Variants in RBPJ observed in about 807,000 individuals in gnomAD.
The protein encoded by RBPJ is recombining binding protein suppressor of hairless.
In RBPJ, 9 loss-of-function variants were observed where a neutral mutation model predicts 67.8. That is an observed-to-expected ratio of 0.13 (90% confidence interval 0.08 to 0.23). The LOEUF is 0.23. Ranked by LOEUF, RBPJ falls within the 10% of genes least tolerant of loss-of-function variation. RBPJ has a pLI of 1.00. For missense variants in RBPJ, 305 were observed against 595.6 expected (o/e 0.51, Z 5.08); for synonymous variants, 198 against 203.3 (o/e 0.97, Z 0.22).
At chr4:26,310,306 G>C (rs1722385984) in intron 1 of RBPJ, among the ~76,000 whole-genome samples, 1 of 152,132 alleles carries the variant, frequency 6.6e-6, no homozygotes, top group African/African-American at 2.4e-5. Context: ...TAACCTTGAT[G>C]AACACGTGGT....
At chr4:26,318,112 CACAA>C (rs1351700945), upstream of RBPJ, among the ~76,000 whole-genome samples, 5 of 151,508 alleles carry the variant, frequency 3.3e-5, no homozygotes, top group Admixed American at 1.3e-4. Flanking sequence ...AATAGGCAAA[CACAA>C]ACACACACAC....
chr4:26,411,015 C>A (rs1214109535), intron 3 of RBPJ, among the ~76,000 whole-genome samples: 1 of 152,160 alleles, frequency 6.6e-6, no homozygotes, highest in African/African-American at 2.4e-5. Flanking sequence ...GTAAGCTAAC[C>A]ACTTTTCAGA....
At chr4:26,202,453 G>C (rs1166224598) in intron 1 of RBPJ, among the ~76,000 whole-genome samples, 1 of 151,364 alleles carries the variant, frequency 6.6e-6, no homozygotes, top group Non-Finnish European at 1.5e-5. Flanking sequence ...CTTCCCCCCA[G>C]CCCAGCTTCA....
chr4:26,362,781 T>A (rs1381149804), intron 1 of RBPJ, among the ~76,000 whole-genome samples: 1 of 152,216 alleles, frequency 6.6e-6, no homozygotes, highest in Non-Finnish European at 1.5e-5. Flanking sequence ...GGTTATGGAT[T>A]TATGGTAGTA....
At chr4:26,171,998 C>T (rs1472040438) in intron 1 of RBPJ, among the ~76,000 whole-genome samples, 2 of 152,228 alleles carry the variant, frequency 1.3e-5, no homozygotes, top group African/African-American at 4.8e-5. Context: ...CCAAGGCTGC[C>T]TGCTAAGCTG....
At chr4:26,392,478 A>G (rs1267038985) in intron 2 of RBPJ, among the ~76,000 whole-genome samples, 1 of 152,250 alleles carries the variant, frequency 6.6e-6, no homozygotes, top group Non-Finnish European at 1.5e-5. Flanking sequence ...TCTATTAAGC[A>G]GTAAAAAAGG....
intron 1 of RBPJ, among the ~76,000 whole-genome samples, chr4:26,344,930 AAAATACAGGTTG>A (rs1251010541): frequency 2.6e-5 from 4 of 152,226 alleles, no homozygotes; most frequent in Non-Finnish European, 5.9e-5. Flanking sequence ...AGATTTTAAA[AAAATACAGGTTG>A]AATGTGCTGC....
chr4:26,228,114 G>T (rs188572880), intron 1 of RBPJ, among the ~76,000 whole-genome samples: 2 of 152,358 alleles, frequency 1.3e-5, no homozygotes, highest in East Asian at 3.9e-4. Context: ...TCTTCTGGAA[G>T]GGAGGTCTGG....
chr4:26,296,193 A>T lies in RBPJ; in HGVS notation c.-166-66253A>T, dbSNP rs190164470. The stretch of plus-strand genomic sequence containing the variant: ...CTTCCTGATGTAATTTCTTCTGTAG[A>T]ACAGAAAAGTTCCTAATATTTGGCA... On this transcript the variant is annotated intron_variant, in intron 1 of 4. Transcript: ENST00000512351. Among the ~76,000 whole-genome samples, 6 of 152,314 alleles carry T rather than the reference A, an allele frequency of 3.9e-5. No individual in the cohort carries two copies. In the East Asian group the frequency reaches 1.2e-3, roughly 29 times the overall value.
chr4:26,400,382 G>T (rs145273588), intron 2 of RBPJ, among the ~76,000 whole-genome samples: 1 of 152,222 alleles, frequency 6.6e-6, no homozygotes, highest in Non-Finnish European at 1.5e-5. Context: ...AATGCACAGC[G>T]CAATCTCTCC....
intron 2 of RBPJ, among the ~76,000 whole-genome samples, chr4:26,403,134 C>T (rs902281864): frequency 3.3e-5 from 5 of 151,910 alleles, no homozygotes; most frequent in South Asian, 2.1e-4. Flanking sequence ...CATTGCCTTT[C>T]GTTTAGATTG....
At chr4:26,212,606 C>T (rs1442806453) in intron 1 of RBPJ, among the ~76,000 whole-genome samples, 3 of 151,868 alleles carry the variant, frequency 2.0e-5, no homozygotes, top group African/African-American at 7.3e-5. Flanking sequence ...CTTTCCCTGC[C>T]TTTCTGCCTT....
chr4:26,112,926 G>A, the RBPJ span: 1 of 152,892 alleles, frequency 6.5e-6, no homozygotes, highest in Non-Finnish European at 1.5e-5. Context: ...TAATTGTTTT[G>A]TATTTTTAGT....
At chr4:26,300,700 G>C (rs1560251639) in intron 1 of RBPJ, among the ~76,000 whole-genome samples, 1 of 152,004 alleles carries the variant, frequency 6.6e-6, no homozygotes, top group Admixed American at 6.6e-5. Context: ...CTCTATACTC[G>C]AATACTTGAA....
the RBPJ span, among the ~76,000 whole-genome samples, chr4:26,156,016 A>T: frequency 7.2e-5 from 11 of 152,212 alleles, no homozygotes; most frequent in African/African-American, 2.7e-4. Context: ...ATAGAGTCAG[A>T]CAGAGCCAGA....
At chr4:26,119,139 C>T in the RBPJ span, among the ~76,000 whole-genome samples, 1 of 152,176 alleles carries the variant, frequency 6.6e-6, no homozygotes, top group Non-Finnish European at 1.5e-5. Flanking sequence ...AAATAAAATA[C>T]TGTAAGGAAA....
chr4:26,261,287 C>G (rs987209183), intron 1 of RBPJ, among the ~76,000 whole-genome samples: 1 of 151,844 alleles, frequency 6.6e-6, no homozygotes, highest in Admixed American at 6.6e-5. Flanking sequence ...AAAAGAGACT[C>G]CTCAGCTGGA....
At chr4:26,411,378 A>G (rs1482757822) in intron 3 of RBPJ, among the ~76,000 whole-genome samples, 2 of 146,484 alleles carry the variant, frequency 1.4e-5, no homozygotes, top group African/African-American at 2.5e-5. Context: ...TTTTTTTTGT[A>G]TATATGCTGA....
intron 1 of RBPJ, among the ~76,000 whole-genome samples, chr4:26,181,840 C>T (rs1476905021): frequency 6.6e-6 from 1 of 152,128 alleles, no homozygotes; most frequent in Non-Finnish European, 1.5e-5. Context: ...ATGGAGCTCA[C>T]AGGACTGGAA....
Sources: gnomAD v4.1 joint callset for allele counts (sites outside exome capture counted in the v4.1 genomes callset) on GRCh38, gnomAD v4.1.1 for gene constraint, MANE v1.5 for transcripts, NCBI Gene and HGNC (gene_info 2026-07-23, HGNC 2026-07-21) for gene names.